The following DOCK2 variants were observed in gnomAD, a reference collection of about 807,000 sequenced individuals.
DOCK2 encodes the protein dedicator of cytokinesis 2.
In DOCK2, 87 loss-of-function variants were observed where a neutral mutation model predicts 248.9. The ratio of observed to expected loss-of-function variants is 0.35; its 90% confidence interval spans 0.29 to 0.42. DOCK2 has a LOEUF of 0.42. DOCK2 is among the 10% of genes least tolerant of loss of function. DOCK2 has a pLI of 1.00. For missense variants in DOCK2, 1,747 were observed against 2,300.2 expected, an observed-to-expected ratio of 0.76 and a Z score of 4.92; for synonymous variants, 805 against 821.6, an observed-to-expected ratio of 0.98 and a Z score of 0.35.
At chr5:169,648,555 C>T (rs943288125) in intron 1 of DOCK2, among the ~76,000 whole-genome samples, 1 of 152,166 alleles carries the variant, frequency 6.6e-6, no homozygotes, top group Non-Finnish European at 1.5e-5. Flanking sequence ...TCGTGAGAGG[C>T]GATGTGAGTG....
At chr5:169,710,097 C>T (rs761143412) in intron 15 of DOCK2, among the ~76,000 whole-genome samples, 3 of 152,198 alleles carry the variant, frequency 2.0e-5, no homozygotes, top group African/African-American at 4.8e-5. Context: ...TGAGGCCAGT[C>T]ATGAACATAC....
chr5:169,801,333 C>T (rs1766978520), intron 25 of DOCK2, among the ~76,000 whole-genome samples: 1 of 151,888 alleles, frequency 6.6e-6, no homozygotes, highest in Admixed American at 6.6e-5. Context: ...TGCTTAAGAG[C>T]ACAGTCTCTG....
intron 26 of DOCK2, among the ~76,000 whole-genome samples, chr5:169,819,661 G>A (rs982205877): frequency 2.6e-5 from 4 of 152,152 alleles, no homozygotes; most frequent in South Asian, 2.1e-4. Flanking sequence ...TAGCCGAATA[G>A]GAACAGCTCC....
chr5:169,694,076 C>T (rs1287135311), intron 9 of DOCK2, among the ~76,000 whole-genome samples: 13 of 152,356 alleles, frequency 8.5e-5, no homozygotes, highest in African/African-American at 3.1e-4. Flanking sequence ...GGTCCCCAGG[C>T]AGGAAGGTGT....
chr5:169,717,132 T>C, intron 20 of DOCK2, among the ~76,000 whole-genome samples: 1 of 152,052 alleles, frequency 6.6e-6, no homozygotes. Context: ...AATAAGAAAG[T>C]CTAATAATGA....
chr5:170,008,473 T>A (rs1755151567), intron 30 of DOCK2, 24 bp from the exon 31 acceptor site: 4 of 1,613,504 alleles, frequency 2.5e-6, no homozygotes, highest in Non-Finnish European at 3.4e-6. Context: ...TCTCCATAAC[T>A]GTTCTCTGCT....
At chr5:169,899,512 G>GCAA (rs1773799974) in intron 27 of DOCK2, among the ~76,000 whole-genome samples, 1 of 152,178 alleles carries the variant, frequency 6.6e-6, no homozygotes, top group Non-Finnish European at 1.5e-5. Context: ...TGCCTCAAAT[G>GCAA]GACTTGAGGA....
intron 1 of DOCK2, among the ~76,000 whole-genome samples, chr5:169,640,837 C>T (rs1757105536): frequency 6.6e-6 from 1 of 152,204 alleles, no homozygotes; most frequent in Non-Finnish European, 1.5e-5. Flanking sequence ...TATTTGCATC[C>T]AGCTCAAAAT....
chr5:169,813,475 T>C (rs1002585275), intron 26 of DOCK2, among the ~76,000 whole-genome samples: 2 of 152,166 alleles, frequency 1.3e-5, no homozygotes, highest in Middle Eastern at 3.2e-3. Flanking sequence ...TTTTTCTTTC[T>C]GGAAAAACAA....
intron 9 of DOCK2, among the ~76,000 whole-genome samples, chr5:169,693,081 T>A (rs1760401910): frequency 6.6e-6 from 1 of 152,130 alleles, no homozygotes; most frequent in Non-Finnish European, 1.5e-5. Flanking sequence ...AGGGCCTCTG[T>A]CGCTCTGAAA....
intron 27 of DOCK2, chr5:169,883,627 C>G (rs770222881): frequency 1.3e-6 from 2 of 1,551,428 alleles, no homozygotes; most frequent in East Asian, 2.4e-5. Context: ...GTTGCGAAAG[C>G]CCCCTGCCTT....
intron 2 of DOCK2, among the ~76,000 whole-genome samples, chr5:169,664,051 A>G (rs556404672): frequency 2.2e-4 from 34 of 152,360 alleles, no homozygotes; most frequent in Non-Finnish European, 3.8e-4. Flanking sequence ...GTGAATGCAT[A>G]TGACTATATA....
At chr5:169,922,261 AT>A (rs1171681860) in intron 27 of DOCK2, among the ~76,000 whole-genome samples, 1 of 152,232 alleles carries the variant, frequency 6.6e-6, no homozygotes, top group African/African-American at 2.4e-5. Context: ...GAATTATCTC[AT>A]CTTATGGAGG....
chr5:169,952,738 G>A (rs1776710478), intron 27 of DOCK2, among the ~76,000 whole-genome samples: 1 of 152,144 alleles, frequency 6.6e-6, no homozygotes, highest in African/African-American at 2.4e-5. Flanking sequence ...CTCAGGTAGG[G>A]GTTGTCATTG....
At chr5:169,854,019 T>A (rs1267398210) in intron 27 of DOCK2, among the ~76,000 whole-genome samples, 1 of 151,026 alleles carries the variant, frequency 6.6e-6, no homozygotes, top group African/African-American at 2.4e-5. Flanking sequence ...GTGTTATTAG[T>A]AGAGATGGGG....
intron 38 of DOCK2, among the ~76,000 whole-genome samples, chr5:170,043,551 T>C (rs530861102): frequency 6.6e-6 from 1 of 152,354 alleles, no homozygotes; most frequent in South Asian, 2.1e-4. Context: ...TTATTGCATC[T>C]GTCTTAGTCG....
Position 170,080,197 on chromosome 5 carries a change from A to G in DOCK2, c.5201A>G (p.Asn1734Ser). ...AAGCATGAGTTCATGAGTGACACCAACCTCTCGGAGCATGCGGCCATCCCC... is the reference window on the plus strand; with the variant it reads ...AAGCATGAGTTCATGAGTGACACCAGCCTCTCGGAGCATGCGGCCATCCCC... ...SRKHEFMSDT[N>S]LSEHAAIPLK... The change falls in exon 50 of 52, where the codon AAC becomes AGC. Residue 1734 changes from asparagine to serine, a missense_variant. Around this residue, in one of 4 missense-constraint regions of DOCK2, gnomAD observed 513 missense variants for 586.1 expected, o/e 0.88. Transcript: ENST00000520908. 6.2e-7 allele frequency: 1 copy of G among 1,613,634 alleles called. No homozygotes were observed. Among genetic ancestry groups the G allele is most frequent in the Non-Finnish European group, 8.5e-7 (1 of 1,179,872 alleles).
intron 49 of DOCK2, 33 bp from the exon 50 acceptor site, chr5:170,080,130 G>A: frequency 6.3e-7 from 1 of 1,585,220 alleles, no homozygotes; most frequent in Non-Finnish European, 8.6e-7. Flanking sequence ...CTGTCTTTGT[G>A]TGTGTGTGTG....
intron 9 of DOCK2, among the ~76,000 whole-genome samples, 190 bp from the exon 10 acceptor site, chr5:169,695,613 T>G (rs992811942): frequency 3.9e-5 from 6 of 152,230 alleles, no homozygotes; most frequent in African/African-American, 1.2e-4. Context: ...TTTGCAAACC[T>G]TACCTTGCTT....
Sources: allele counts gnomAD v4.1 joint callset (sites outside exome capture counted in the v4.1 genomes callset), GRCh38; gene constraint gnomAD v4.1.1; regional missense constraint gnomAD v4.1.1; transcripts MANE v1.5; gene names NCBI Gene and HGNC (gene_info 2026-07-23, HGNC 2026-07-21).